Variants in FHIT observed in about 807,000 individuals in gnomAD.
The protein encoded by FHIT is bis(5'-adenosyl)-triphosphatase.
FHIT carries 19 observed loss-of-function variants against 17.9 expected under a neutral mutation model. The observed-to-expected ratio is 1.06, with a 90% confidence interval of 0.74 to 1.56. FHIT has a LOEUF of 1.56. Ranked by LOEUF, FHIT falls within the 40% of genes most tolerant of loss-of-function variation. FHIT has a pLI of 0.00. For synonymous variants in FHIT, 81 were observed against 69.7 expected, an observed-to-expected ratio of 1.16 and a Z score of -0.81; for missense variants, 248 against 189.2, an observed-to-expected ratio of 1.31 and a Z score of -1.82.
At chr3:60,157,612 A>C (rs1465210864) in intron 5 of FHIT, among the ~76,000 whole-genome samples, 3 of 152,232 alleles carry the variant, frequency 2.0e-5, no homozygotes, top group African/African-American at 7.2e-5. Flanking sequence ...GCAAACTTTC[A>C]CTGAGCTGTT....
intron 4 of FHIT, among the ~76,000 whole-genome samples, chr3:60,599,843 A>G (rs555560400): frequency 6.6e-6 from 1 of 152,176 alleles, no homozygotes; most frequent in South Asian, 2.1e-4. Context: ...TTAGGGCAGG[A>G]GTTCTTGACC....
intron 8 of FHIT, among the ~76,000 whole-genome samples, chr3:59,828,646 T>C (rs942511404): frequency 5.3e-5 from 8 of 152,208 alleles, no homozygotes; most frequent in African/African-American, 1.7e-4. Flanking sequence ...ATTAAATCTT[T>C]GAGCCAAGAA....
At chr3:59,750,510 CGA>C (rs1156986690) in intron 9 of FHIT, 3 of 224,318 alleles carry the variant, frequency 1.3e-5, no homozygotes, top group Admixed American at 1.1e-4. Context: ...CCTTAAAAAA[CGA>C]GAGAGAGATG....
chr3:60,553,823 C>T (rs1463616766), intron 4 of FHIT, among the ~76,000 whole-genome samples: 3 of 152,104 alleles, frequency 2.0e-5, no homozygotes, highest in African/African-American at 7.2e-5. Context: ...CAGTGGCTCA[C>T]ACCTGTAATC....
intron 5 of FHIT, among the ~76,000 whole-genome samples, chr3:60,196,755 A>C (rs1702660082): frequency 6.6e-6 from 1 of 152,100 alleles, no homozygotes; most frequent in African/African-American, 2.4e-5. Flanking sequence ...ACATGCACAC[A>C]CATATCCATT....
intron 5 of FHIT, among the ~76,000 whole-genome samples, chr3:60,027,105 A>G (rs918075285): frequency 8.5e-6 from 1 of 117,718 alleles, no homozygotes; most frequent in Admixed American, 9.2e-5. Flanking sequence ...TGTTTCACAC[A>G]CAGACACACA....
chr3:60,733,755 G>C (rs540889509), intron 4 of FHIT, among the ~76,000 whole-genome samples: 1 of 152,248 alleles, frequency 6.6e-6, no homozygotes, highest in Admixed American at 6.5e-5. Context: ...CTGGACTATA[G>C]ATTTCTAATG....
intron 5 of FHIT, among the ~76,000 whole-genome samples, chr3:60,472,174 A>G (rs1576715237): frequency 6.6e-6 from 1 of 151,826 alleles, no homozygotes; most frequent in East Asian, 1.9e-4. Context: ...AAAAAAGAGC[A>G]AAAACAACAG....
At chr3:60,173,918 T>TA (rs375142735) in intron 5 of FHIT, among the ~76,000 whole-genome samples, 174 of 46,660 alleles carry the variant, frequency 3.7e-3, no homozygotes, top group African/African-American at 0.013. Context: ...TATATATATG[T>TA]TTTTTTTTTT....
intron 2 of FHIT, among the ~76,000 whole-genome samples, chr3:61,096,218 G>T (rs1364004205): frequency 6.6e-6 from 1 of 152,188 alleles, no homozygotes; most frequent in Admixed American, 6.5e-5. Context: ...GAAGGATGGA[G>T]TAACATTTCA....
chr3:61,115,819 A>T (rs2036284475), intron 2 of FHIT, among the ~76,000 whole-genome samples: 1 of 152,172 alleles, frequency 6.6e-6, no homozygotes, highest in Non-Finnish European at 1.5e-5. Context: ...AAGAGTATTG[A>T]AAAAAGAAAA....
At chr3:60,367,846 C>T (rs1289764598) in intron 5 of FHIT, among the ~76,000 whole-genome samples, 5 of 152,144 alleles carry the variant, frequency 3.3e-5, no homozygotes, top group Non-Finnish European at 7.4e-5. Flanking sequence ...ATGGAAACTG[C>T]TGTTCTGATT....
At chr3:61,178,084 C>G (rs2038212475) in intron 2 of FHIT, among the ~76,000 whole-genome samples, 1 of 152,160 alleles carries the variant, frequency 6.6e-6, no homozygotes, top group Admixed American at 6.5e-5. Flanking sequence ...AAGAATTCTT[C>G]TTAGGACCAC....
chr3:59,963,087 C>T (rs11921436), intron 7 of FHIT, among the ~76,000 whole-genome samples: 31,176 of 151,848 alleles, frequency 0.21, 3,970 homozygotes, highest in East Asian at 0.37. Context: ...AACCCCATCT[C>T]TACCAAAAAT....
intron 5 of FHIT, among the ~76,000 whole-genome samples, chr3:60,209,553 A>G (rs1399393339): frequency 1.3e-5 from 2 of 152,148 alleles, no homozygotes; most frequent in African/African-American, 4.8e-5. Flanking sequence ...TGTTGAGCCA[A>G]TAGTAAAAAT....
chr3:60,324,647 A>C (rs1709599358), intron 5 of FHIT, among the ~76,000 whole-genome samples: 1 of 152,084 alleles, frequency 6.6e-6, no homozygotes, highest in Non-Finnish European at 1.5e-5. Flanking sequence ...TAAGGAGCTA[A>C]AGTGTTATGC....
chr3:60,348,132 T>C (rs1710889444), intron 5 of FHIT, among the ~76,000 whole-genome samples: 1 of 1,544 alleles, frequency 6.5e-4, no homozygotes, highest in Non-Finnish European at 1.4e-3. Context: ...AAAAGTATAC[T>C]GAAAAAAAAA....
intron 3 of FHIT, among the ~76,000 whole-genome samples, chr3:60,974,749 A>T (rs1217079159): frequency 6.6e-6 from 1 of 152,158 alleles, no homozygotes; most frequent in African/African-American, 2.4e-5. Context: ...TTTTGTGGTG[A>T]TAAGATTTAT....
intron 2 of FHIT, among the ~76,000 whole-genome samples, chr3:61,046,562 A>G (rs1469471163): frequency 6.6e-6 from 1 of 152,232 alleles, no homozygotes; most frequent in African/African-American, 2.4e-5. Context: ...TACCAGAGGT[A>G]CAAAGAGGAC....
Sources: allele counts gnomAD v4.1 joint callset (sites outside exome capture counted in the v4.1 genomes callset), GRCh38; gene constraint gnomAD v4.1.1; transcripts MANE v1.5; gene names NCBI Gene and HGNC (gene_info 2026-07-23, HGNC 2026-07-21).